The following RPL4 variants were observed in gnomAD, a reference collection of about 807,000 sequenced individuals.
RPL4 encodes ribosomal protein L4, also known as large ribosomal subunit protein uL4.
Under a neutral mutation model 47.7 loss-of-function variants are expected in RPL4, and 3 were observed. The ratio of observed to expected loss-of-function variants is 0.06; its 90% CI spans 0.03 to 0.16. RPL4 has a LOEUF of 0.16. Ranked by LOEUF, RPL4 falls within the 10% of genes least tolerant of loss-of-function variation. RPL4 has a pLI of 1.00. For missense variants in RPL4, 413 were observed against 551.3 expected (o/e 0.75, Z 2.51); for synonymous variants, 208 against 182.1 (o/e 1.14, Z -1.15).
intron 1 of RPL4, among the ~76,000 whole-genome samples, 164 bp downstream of exon 1, chr15:66,504,624 G>A (rs773370069): frequency 4.5e-4 from 68 of 152,212 alleles, no homozygotes; most frequent in Non-Finnish European, 1.5e-4. Flanking sequence ...TAAGATGGCT[G>A]CCGTATCGCC....
rs768210523 is a variant in RPL4, at chr15:66,501,040, G to A, written c.742C>T (p.Arg248Cys). Reference protein sequence around the residue: ...LKLAPGGHVGRFCIWTESAFR... With the variant: ...LKLAPGGHVGCFCIWTESAFR... Reference sequence around the variant, plus strand: ...GCACTTTCAGTCCAAATGCAGAAACGTCCCACATGCCCACCAGGAGCAAGC... The same window carrying A: ...GCACTTTCAGTCCAAATGCAGAAACATCCCACATGCCCACCAGGAGCAAGC... The change falls in exon 7 of 10, where the codon CGT becomes TGT. Residue 248 changes from arginine (R) to cysteine (C), a missense_variant. Arg to Cys is a radical substitution (Grantham distance 180). Around this residue, in one of 4 missense-constraint regions of RPL4, gnomAD observed 214 missense variants for 304.2 expected, o/e 0.70. Transcript: ENST00000307961. 1.9e-6 allele frequency: 3 copies of A among 1,613,854 alleles called. No homozygotes were observed. The highest frequency in any genetic ancestry group is 2.2e-5 in the East Asian group (1 of 44,902).
intron 1 of RPL4, among the ~76,000 whole-genome samples, chr15:66,504,575 T>C (rs966161001): frequency 9.9e-5 from 8 of 80,450 alleles, no homozygotes; most frequent in Non-Finnish European, 2.7e-4. Context: ...CCACTACTGC[T>C]TCCCGGCGCG....
chr15:66,499,096 G>A lies in RPL4; in HGVS notation c.*311C>T, dbSNP rs1180745467. The A allele has an allele frequency of 1.2e-5, 3 of 257,468 alleles. No homozygotes were observed. The highest frequency in any genetic ancestry group is 9.3e-5 in the East Asian group (1 of 10,764). The allele number at this position is 257,468 out of a possible 1,614,324, so 15.9% of individuals were successfully genotyped here. The stretch of plus-strand genomic sequence containing the variant: ...GGGGAGCTAAACTTGAACAGCCTCT[G>A]CGTTTCTGACCAAGTCCTGTTACAC... On this transcript the variant is annotated 3_prime_UTR_variant, in exon 10 of 10. Transcript: ENST00000307961.
chr15:66,502,528 A>C, intron 4 of RPL4, 84 bp downstream of exon 4: 1 of 1,413,790 alleles, frequency 7.1e-7, no homozygotes. Flanking sequence ...GAAATGGGTT[A>C]CTGTGAATAA....
intron 3 of RPL4, 115 bp from the exon 4 acceptor site, chr15:66,502,865 AC>A: frequency 6.6e-7 from 1 of 1,505,572 alleles, no homozygotes. Flanking sequence ...ACAGCAGGCA[AC>A]TGTCGCTGAG....
chr15:66,501,695 A>T, intron 5 of RPL4, 93 bp downstream of exon 5: 1 of 1,549,358 alleles, frequency 6.5e-7, no homozygotes, highest in Non-Finnish European at 8.7e-7. Context: ...CTCACACATT[A>T]AGGATTAGCT....
At position 66,504,850 on chromosome 15, in the gene RPL4, G is replaced by A. The variant is rs756050540; in HGVS notation, c.-60C>T. 41 of 1,601,842 alleles carry A rather than the reference G, an allele frequency of 2.6e-5. No individual in the cohort carries two copies. Among genetic ancestry groups the A allele is most frequent in the Admixed American group, 5.1e-5 (3 of 58,872 alleles). On this transcript the variant is annotated 5_prime_UTR_variant, in exon 1 of 10. Coordinates refer to ENST00000307961, the MANE Select transcript of RPL4 (RefSeq NM_000968.4). ...CCGGCTGCTGCCACAGGAAAAGGAA[G>A]TGCTTACCACTCCCGCTGTATATGT...
chr15:66,499,762 G>A (rs1433466329), intron 9 of RPL4, 110 bp from the exon 10 acceptor site: 7 of 1,454,954 alleles, frequency 4.8e-6, no homozygotes, highest in African/African-American at 4.2e-5. Context: ...GGTGGCTCAC[G>A]CCTGTAATCC....
At chr15:66,501,960 GA>G (rs375557925) in intron 4 of RPL4, 48 bp from the exon 5 acceptor site, 29,259 of 1,084,830 alleles carry the variant, frequency 0.027, 4 homozygotes, top group South Asian at 0.034. Flanking sequence ...AACTTTTGGA[GA>G]AAAAAAAAAA....
intron 8 of RPL4, 46 bp from the exon 9 acceptor site, chr15:66,500,222 C>A: frequency 1.2e-6 from 2 of 1,613,556 alleles, no homozygotes; most frequent in East Asian, 2.2e-5. Context: ...TAACATTATA[C>A]ACATACAAAT....
In RPL4 at chr15:66,503,461, C is replaced by T; in HGVS notation, c.72G>A (p.Leu24=). ...KGESSGKNVT[L]PAVFKAPIRP... is the part of the protein sequence containing the mutation. ...GAATAGGAGCCTTGAATACAGCAGG[C>T]AAAGTGACATTTTTGCCAGATGACT... Residue 24 remains leucine, a synonymous_variant, in exon 2 of 10, where the codon TTG becomes TTA. Transcript: ENST00000307961. 1 of 1,612,186 alleles carries T rather than the reference C, an allele frequency of 6.2e-7. No individual in the cohort carries two copies. Among genetic ancestry groups the T allele is most frequent in the Non-Finnish European group, 8.5e-7 (1 of 1,178,464 alleles).
In RPL4 at chr15:66,501,053, A is replaced by G. The variant is rs79973635; in HGVS notation, c.729T>C (p.Gly243=). The G allele has an allele frequency of 4.3e-5, 70 of 1,614,076 alleles. No individual in the cohort carries two copies. Among genetic ancestry groups the G allele is most frequent in the Admixed American group, 1.0e-4 (6 of 60,032 alleles). The change falls in exon 7 of 10, where the codon GGT becomes GGC. Residue 243 remains glycine (G), a synonymous_variant. Coordinates refer to ENST00000307961, the MANE Select transcript of RPL4 (RefSeq NM_000968.4). Reference sequence around the variant, plus strand: ...AAATGCAGAAACGTCCCACATGCCCACCAGGAGCAAGCTTCAAAATGTTCA... The same window carrying G: ...AAATGCAGAAACGTCCCACATGCCCGCCAGGAGCAAGCTTCAAAATGTTCA... The part of the protein sequence containing the change: ...SKLNILKLAP[G]GHVGRFCIWT...
intron 4 of RPL4, chr15:66,502,402 T>A (rs1241106905): frequency 3.5e-6 from 2 of 572,148 alleles, no homozygotes; most frequent in Non-Finnish European, 6.0e-6. Flanking sequence ...ATTTCTGGAG[T>A]ACATTTGATA....
At position 66,499,664 on chromosome 15, in the gene RPL4, T is replaced by G. The variant is rs773312704; in HGVS notation, c.1039-12A>C. ...ACCCGGAGCTTGTGCTGCAACAAAT[T>G]AGGCAGAAAACAGTAAGAATCAAAT... On this transcript the variant is annotated splice_polypyrimidine_tract_variant and intron_variant, in intron 9 of 9. Coordinates refer to ENST00000307961, the MANE Select transcript of RPL4 (RefSeq NM_000968.4). 1 of 1,613,216 alleles carries G rather than the reference T, an allele frequency of 6.2e-7. No individual in the cohort carries two copies. Among genetic ancestry groups the G allele is most frequent in the Non-Finnish European group, 8.5e-7 (1 of 1,179,634 alleles).
intron 9 of RPL4, 91 bp downstream of exon 9, chr15:66,499,965 G>C (rs1035804919): frequency 1.0e-5 from 15 of 1,490,662 alleles, no homozygotes; most frequent in Non-Finnish European, 1.4e-5. Context: ...GGAGGTTGCA[G>C]TGAGCTGAGA....
intron 5 of RPL4, 79 bp from the exon 6 acceptor site, chr15:66,501,583 C>T: frequency 6.3e-7 from 1 of 1,581,222 alleles, no homozygotes; most frequent in Non-Finnish European, 8.6e-7. Context: ...TTCCTTTTTA[C>T]AGATGATTAA....
At chr15:66,501,293 C>A (rs1188851924) in intron 6 of RPL4, 82 bp downstream of exon 6, 2 of 1,595,976 alleles carry the variant, frequency 1.3e-6, no homozygotes, top group East Asian at 4.5e-5. Flanking sequence ...GAAACACGGA[C>A]CTTAAGTGGA....
rs1419812839 is a variant in RPL4, at chr15:66,502,504, C to T, written c.421+108G>A. Reference sequence around the variant, plus strand: ...ATGCTAAAAACATTCAAATTATTCTCTTCTAGCCATCTTGAAATGGGTTAC... The same window carrying T: ...ATGCTAAAAACATTCAAATTATTCTTTTCTAGCCATCTTGAAATGGGTTAC... On this transcript the variant is annotated intron_variant, in intron 4 of 9. Coordinates refer to ENST00000307961, the MANE Select transcript of RPL4 (RefSeq NM_000968.4). The T allele has an allele frequency of 1.6e-5, 18 of 1,161,220 alleles. No individual in the cohort carries two copies. The East Asian group carries it at 4.5e-4, about 29-fold the overall frequency. 71.9% of individuals were successfully genotyped at this position (1,161,220 alleles called of 1,614,324 possible).
rs750470731 is a variant in RPL4 at position 66,503,374 on chromosome 15, A to G, written c.159T>C (p.Ala53=). The change falls in exon 2 of 10, where the codon GCT becomes GCC. Residue 53 remains alanine (A), a synonymous_variant. Coordinates refer to ENST00000307961, the MANE Select transcript of RPL4 (RefSeq NM_000968.4). ...AATCCATACCTGCTAATTCACTGAC[A>G]GCATAGGGCTGTCTGTTGTTTTTGC... ...NLRKNNRQPY[A]VSELAGHQTS... The G allele has an allele frequency of 1.2e-6, 2 of 1,608,540 alleles. No homozygotes were observed. Among genetic ancestry groups the G allele is most frequent in the Admixed American group, 1.7e-5 (1 of 59,878 alleles).
Sources: gnomAD v4.1 joint callset for allele counts (sites outside exome capture counted in the v4.1 genomes callset) on GRCh38, gnomAD v4.1.1 for gene constraint, gnomAD v4.1.1 regional missense constraint, MANE v1.5 for transcripts, NCBI Gene and HGNC (gene_info 2026-07-23, HGNC 2026-07-21) for gene names.